Variants in PRR16 observed in about 807,000 individuals in gnomAD.
The protein encoded by PRR16 is protein Largen.
A neutral mutation model predicts 18.2 loss-of-function variants in PRR16; 6 were observed. That is an observed-to-expected ratio of 0.33 (90% CI 0.18 to 0.65). PRR16 has a LOEUF of 0.65. Among genes scored for constraint, PRR16 ranks in the 30% least tolerant of loss-of-function variants. PRR16 has a pLI of 0.74. For synonymous variants in PRR16, 151 were observed against 147.8 expected (o/e 1.02, Z -0.16); for missense variants, 412 against 376.6 (o/e 1.09, Z -0.78).
chr5:120,741,693 C>A, the PRR16 span, among the ~76,000 whole-genome samples: 1 of 152,144 alleles, frequency 6.6e-6, no homozygotes, highest in Admixed American at 6.5e-5. Context: ...CCTCCGCCTC[C>A]CTGGTTCAAG....
chr5:120,649,975 A>G (rs1407194187), intron 1 of PRR16, among the ~76,000 whole-genome samples: 1 of 152,006 alleles, frequency 6.6e-6, no homozygotes, highest in East Asian at 1.9e-4. Context: ...ATCAGAAACT[A>G]GTGGGAGGCC....
the PRR16 span, among the ~76,000 whole-genome samples, chr5:120,783,462 G>T: frequency 6.6e-6 from 1 of 152,056 alleles, no homozygotes; most frequent in Non-Finnish European, 1.5e-5. Flanking sequence ...ATGGCATCAT[G>T]TTTTAAAAAC....
At chr5:120,762,832 T>G in the PRR16 span, among the ~76,000 whole-genome samples, 55 of 152,330 alleles carry the variant, frequency 3.6e-4, no homozygotes, top group Admixed American at 8.5e-4. Context: ...TTTTGAGGTC[T>G]TAGCCATAAT....
chr5:120,687,998 G>T (rs1425892724), downstream of PRR16, among the ~76,000 whole-genome samples: 3 of 152,196 alleles, frequency 2.0e-5, no homozygotes, highest in African/African-American at 4.8e-5. Context: ...TTCATTAGTG[G>T]TAAGAGTAGA....
the PRR16 span, among the ~76,000 whole-genome samples, chr5:120,730,252 A>G: frequency 6.6e-6 from 1 of 152,126 alleles, no homozygotes; most frequent in Non-Finnish European, 1.5e-5. Flanking sequence ...TACAGGATGA[A>G]TTCTCAGGCT....
At chr5:120,736,986 G>A in the PRR16 span, among the ~76,000 whole-genome samples, 1 of 152,132 alleles carries the variant, frequency 6.6e-6, no homozygotes, top group African/African-American at 2.4e-5. Flanking sequence ...ATGTATTTGT[G>A]TGTGTGTGAG....
the PRR16 span, among the ~76,000 whole-genome samples, chr5:120,703,839 A>T: frequency 6.6e-6 from 1 of 152,340 alleles, no homozygotes; most frequent in African/African-American, 2.4e-5. Context: ...AAATAAGGAA[A>T]GTTATTCTGG....
chr5:120,722,020 C>T, the PRR16 span, among the ~76,000 whole-genome samples: 48 of 152,094 alleles, frequency 3.2e-4, no homozygotes, highest in African/African-American at 1.1e-3. Context: ...CTATCCTTCC[C>T]CTAGCCCCCT....
intron 1 of PRR16, among the ~76,000 whole-genome samples, chr5:120,489,553 C>T (rs1336416405): frequency 4.6e-5 from 7 of 152,072 alleles, no homozygotes; most frequent in African/African-American, 1.2e-4. Context: ...TGTCTCTGCA[C>T]GTGAGATGGG....
chr5:120,541,064 G>T (rs751640616), intron 1 of PRR16, among the ~76,000 whole-genome samples: 12 of 152,134 alleles, frequency 7.9e-5, no homozygotes, highest in Non-Finnish European at 1.3e-4. Flanking sequence ...ATAATTGATT[G>T]CTTTAGTATT....
intron 1 of PRR16, among the ~76,000 whole-genome samples, chr5:120,672,592 C>A (rs1756648818): frequency 6.6e-6 from 1 of 150,600 alleles, no homozygotes; most frequent in Admixed American, 6.6e-5. Flanking sequence ...TAAAGAAAGT[C>A]TTCTGTAACT....
chr5:120,543,824 G>A (rs879270945), intron 1 of PRR16, among the ~76,000 whole-genome samples: 2 of 152,124 alleles, frequency 1.3e-5, no homozygotes, highest in Non-Finnish European at 2.9e-5. Context: ...TCATCATGGA[G>A]CTATTACACT....
intron 1 of PRR16, among the ~76,000 whole-genome samples, chr5:120,635,715 AG>A (rs1755205702): frequency 6.6e-6 from 1 of 152,134 alleles, no homozygotes. Flanking sequence ...GAACAAGACA[AG>A]GATGCTCACT....
the PRR16 span, among the ~76,000 whole-genome samples, chr5:120,749,617 T>C: frequency 6.6e-4 from 101 of 152,254 alleles, no homozygotes; most frequent in African/African-American, 2.2e-3. Flanking sequence ...TCTCTTTGCA[T>C]TGAGAGCTGC....
the PRR16 span, among the ~76,000 whole-genome samples, chr5:120,787,230 T>C: frequency 2.6e-5 from 4 of 152,130 alleles, no homozygotes; most frequent in Non-Finnish European, 5.9e-5. Context: ...GTTTAAAAAT[T>C]TGTGTATTTT....
At chr5:120,573,973 G>A (rs1488084161) in intron 1 of PRR16, among the ~76,000 whole-genome samples, 1 of 151,612 alleles carries the variant, frequency 6.6e-6, no homozygotes, top group Non-Finnish European at 1.5e-5. Flanking sequence ...AATTCTAAAA[G>A]TGAACAGAAA....
At chr5:120,576,258 G>A (rs1753073794) in intron 1 of PRR16, among the ~76,000 whole-genome samples, 1 of 151,938 alleles carries the variant, frequency 6.6e-6, no homozygotes, top group Non-Finnish European at 1.5e-5. Context: ...CTCTACATCT[G>A]GTAAAGGAAT....
At chr5:120,747,033 T>TG in the PRR16 span, among the ~76,000 whole-genome samples, 3 of 152,228 alleles carry the variant, frequency 2.0e-5, no homozygotes, top group African/African-American at 7.2e-5. Flanking sequence ...AGTAATTTAC[T>TG]TCATCAGAGT....
intron 1 of PRR16, among the ~76,000 whole-genome samples, chr5:120,492,313 G>C (rs1173510038): frequency 6.7e-6 from 1 of 149,348 alleles, no homozygotes; most frequent in Non-Finnish European, 1.5e-5. Context: ...GAGACACAAG[G>C]TCTCCTTATT....
Sources: allele counts gnomAD v4.1 joint callset (sites outside exome capture counted in the v4.1 genomes callset), GRCh38; gene constraint gnomAD v4.1.1; transcripts MANE v1.5; gene names NCBI Gene and HGNC (gene_info 2026-07-23, HGNC 2026-07-21).